Variants in GRK3 observed in about 807,000 individuals in gnomAD.
GRK3 encodes adrenergic, beta, receptor kinase 2.
GRK3 carries 54 observed loss-of-function variants against 95.7 expected under a neutral mutation model. The ratio of observed to expected loss-of-function variants is 0.56; its 90% CI spans 0.45 to 0.71. The LOEUF is 0.71. Ranked by LOEUF, GRK3 falls within the 30% of genes least tolerant of loss-of-function variation. The probability of loss-of-function intolerance (pLI) is 0.00; values close to 1 mark genes in which losing one functional copy is unlikely to be tolerated. For missense variants in GRK3, 649 were observed against 851.2 expected, an observed-to-expected ratio of 0.76 and a Z score of 2.96; for synonymous variants, 281 against 290.8, an observed-to-expected ratio of 0.97 and a Z score of 0.34.
At chr22:25,714,349 G>T in intron 17 of GRK3, 59 bp from the exon 18 acceptor site, 1 of 1,485,478 alleles carries the variant, frequency 6.7e-7, no homozygotes, top group South Asian at 1.3e-5. Flanking sequence ...TGGCGCCGCG[G>T]ACTCTTACCT....
chr22:25,633,901 G>A (rs536695332), intron 2 of GRK3, among the ~76,000 whole-genome samples: 9 of 152,190 alleles, frequency 5.9e-5, no homozygotes, highest in Admixed American at 2.6e-4. Context: ...CATAGTTATG[G>A]TGAGTGTTCA....
intron 1 of GRK3, among the ~76,000 whole-genome samples, chr22:25,577,465 G>A (rs926244936): frequency 2.0e-5 from 3 of 152,118 alleles, no homozygotes; most frequent in African/African-American, 7.2e-5. Flanking sequence ...ATGAGCCACC[G>A]TGCCTGGCCC....
At chr22:25,715,083 C>T (rs1435815903) in intron 18 of GRK3, 1 of 152,424 alleles carries the variant, frequency 6.6e-6, no homozygotes, top group Non-Finnish European at 1.5e-5. Context: ...GTAAATGTCT[C>T]CCATTCAAGT....
intron 2 of GRK3, among the ~76,000 whole-genome samples, chr22:25,623,900 C>G (rs964212654): frequency 5.3e-5 from 8 of 152,184 alleles, no homozygotes; most frequent in African/African-American, 1.9e-4. Flanking sequence ...TTTCTCCAGC[C>G]CTTTTGTTAA....
At chr22:25,712,366 G>C (rs2085350796) in intron 17 of GRK3, among the ~76,000 whole-genome samples, 1 of 152,232 alleles carries the variant, frequency 6.6e-6, no homozygotes, top group Admixed American at 6.5e-5. Context: ...CGGAACCATT[G>C]ATACCTGTCA....
intron 18 of GRK3, among the ~76,000 whole-genome samples, chr22:25,716,423 T>C (rs2085385599): frequency 6.6e-6 from 1 of 152,196 alleles, no homozygotes; most frequent in African/African-American, 2.4e-5. Context: ...TCCTGATTAA[T>C]TGGATCCACA....
chr22:25,711,520 G>T (rs538756975), intron 17 of GRK3, among the ~76,000 whole-genome samples: 18 of 152,090 alleles, frequency 1.2e-4, no homozygotes, highest in Non-Finnish European at 2.5e-4. Flanking sequence ...TAAGTTTTTA[G>T]ATCTCCCCGT....
intron 2 of GRK3, among the ~76,000 whole-genome samples, chr22:25,639,137 TA>T (rs2084724974): frequency 6.6e-6 from 1 of 152,242 alleles, no homozygotes; most frequent in Non-Finnish European, 1.5e-5. Context: ...TTAGGTTTTA[TA>T]ATATTTTACC....
intron 3 of GRK3, chr22:25,647,658 A>C: frequency 7.1e-7 from 1 of 1,414,370 alleles, no homozygotes; most frequent in Non-Finnish European, 1.0e-6. Flanking sequence ...GGGAAGCAAG[A>C]TCAATCACTA....
chr22:25,610,894 C>T (rs2084491791), intron 2 of GRK3, among the ~76,000 whole-genome samples: 1 of 152,016 alleles, frequency 6.6e-6, no homozygotes, highest in Non-Finnish European at 1.5e-5. Flanking sequence ...TAGAGCCTTG[C>T]TGTGCTACCC....
chr22:25,619,817 G>A (rs1032428627), intron 2 of GRK3, among the ~76,000 whole-genome samples: 4 of 151,940 alleles, frequency 2.6e-5, no homozygotes, highest in Non-Finnish European at 1.5e-5. Flanking sequence ...TTAAGGGGCA[G>A]CAGCAGGTTA....
chr22:25,686,440 G>T (rs1479098715), intron 10 of GRK3, among the ~76,000 whole-genome samples: 1 of 152,142 alleles, frequency 6.6e-6, no homozygotes, highest in African/African-American at 2.4e-5. Flanking sequence ...GACTGAAAGG[G>T]CATAGTGGTA....
Position 25,709,980 on chromosome 22 carries a change from T to A in GRK3, c.1395+16T>A, listed in dbSNP as rs779697301. On this transcript the variant is annotated intron_variant, in intron 16 of 20. Transcript: ENST00000324198. ...CTTACAAAAGGTACTCACTCCCTCTTGACTCTACTTACGGTACTGCCGCCC... is the reference window on the plus strand; with the variant it reads ...CTTACAAAAGGTACTCACTCCCTCTAGACTCTACTTACGGTACTGCCGCCC... 1 of 1,594,300 alleles carries A rather than the reference T, an allele frequency of 6.3e-7. No homozygotes were observed. The highest frequency in any genetic ancestry group is 2.2e-5 in the East Asian group (1 of 44,782).
chr22:25,620,006 T>TGTGTGTG lies in GRK3; in HGVS notation c.190+15553_190+15554insGTGTGTG, dbSNP rs1555918885. Among the ~76,000 whole-genome samples, 12 of 90,314 alleles carry TGTGTGTG rather than the reference T, an allele frequency of 1.3e-4. No homozygotes were observed. In the South Asian group the frequency reaches 1.5e-3, roughly 11 times the overall value. The allele number at this position is 90,314 out of a possible 152,430, so 59.2% of individuals were successfully genotyped here. ...TTACTCTTCCTTTCCTTTGTCTTTT[T>TGTGTGTG]TGTGTGTGTGTGTGTGTGTGTGTGT... On this transcript the variant is annotated intron_variant, in intron 2 of 20. Transcript: ENST00000324198.
intron 2 of GRK3, among the ~76,000 whole-genome samples, chr22:25,625,056 A>G (rs1480902200): frequency 6.6e-6 from 1 of 151,794 alleles, no homozygotes; most frequent in Non-Finnish European, 1.5e-5. Flanking sequence ...AGCTGGGACT[A>G]CAGGCGCCTG....
chr22:25,638,298 A>G (rs2084717934), intron 2 of GRK3, among the ~76,000 whole-genome samples: 1 of 152,248 alleles, frequency 6.6e-6, no homozygotes, highest in African/African-American at 2.4e-5. Context: ...TTTAAATGCT[A>G]CACTAGGAAG....
chr22:25,670,113 A>T (rs548771480), intron 6 of GRK3, among the ~76,000 whole-genome samples: 4 of 152,342 alleles, frequency 2.6e-5, no homozygotes, highest in African/African-American at 9.6e-5. Context: ...TGAAAAAAAG[A>T]TGCTATTGTA....
chr22:25,721,358 C>T lies in GRK3; in HGVS notation c.1866C>T (p.Phe622=). Residue 622 remains phenylalanine, a synonymous_variant, in exon 20 of 21, where the codon TTC becomes TTT. Coordinates refer to ENST00000324198, the MANE Select transcript of GRK3 (RefSeq NM_005160.4). ...TTAAAGACAAAAAATGCATTTTGTT[C>T]AGAATAAAAGGAGGGAAACAATTTG... ...TQIKDKKCIL[F]RIKGGKQFVL... The T allele has an allele frequency of 6.2e-7, 1 of 1,603,866 alleles. No homozygotes were observed. Among genetic ancestry groups the T allele is most frequent in the Non-Finnish European group, 8.5e-7 (1 of 1,173,948 alleles).
At chr22:25,606,640 C>A (rs2084451186) in intron 2 of GRK3, among the ~76,000 whole-genome samples, 1 of 152,176 alleles carries the variant, frequency 6.6e-6, no homozygotes, top group Admixed American at 6.5e-5. Context: ...TTTTGTTTCA[C>A]CCTCTGTCTG....
Sources: allele counts gnomAD v4.1 joint callset (sites outside exome capture counted in the v4.1 genomes callset), GRCh38; gene constraint gnomAD v4.1.1; transcripts MANE v1.5; gene names NCBI Gene and HGNC (gene_info 2026-07-23, HGNC 2026-07-21).